Variants in NT5DC1 observed in about 807,000 individuals in gnomAD.
The protein encoded by NT5DC1 is 5'-nucleotidase domain-containing protein 1.
Under a neutral mutation model 59.4 loss-of-function variants are expected in NT5DC1, and 42 were observed. The ratio of observed to expected loss-of-function variants is 0.71; its 90% CI spans 0.55 to 0.92. The LOEUF is 0.92. NT5DC1 is among the 40% of genes least tolerant of loss of function. The probability of loss-of-function intolerance (pLI) is 0.00; values close to 1 mark genes in which losing one functional copy is unlikely to be tolerated. For synonymous variants in NT5DC1, 172 were observed against 188.1 expected (o/e 0.91, Z 0.70); for missense variants, 501 against 537.1 (o/e 0.93, Z 0.66).
In NT5DC1 at chr6:116,110,972, G is replaced by A. The variant is rs1489521306; in HGVS notation, c.364+16G>A. The stretch of plus-strand genomic sequence containing the variant: ...TGCCGCTCAGGTATGACTCAAATGA[G>A]GCAGCTCCACCATCCGCTCCCTGTT... On this transcript the variant is annotated intron_variant, in intron 4 of 11. Transcript: ENST00000319550. The A allele has an allele frequency of 6.6e-7, 1 of 1,525,190 alleles. No homozygotes were observed. Among genetic ancestry groups the A allele is most frequent in the South Asian group, 1.1e-5 (1 of 89,290 alleles). The allele number at this position is 1,525,190 out of a possible 1,614,324, so 94.5% of individuals were successfully genotyped here. A position where few individuals can be genotyped will look rare whatever the true frequency, so the allele number is the denominator to read the frequency against.
At chr6:116,152,601 A>G (rs756828044) in intron 6 of NT5DC1, among the ~76,000 whole-genome samples, 7 of 152,096 alleles carry the variant, frequency 4.6e-5, no homozygotes, top group Non-Finnish European at 7.4e-5. Context: ...TTTCTTTACC[A>G]GGTCTTTATT....
intron 6 of NT5DC1, among the ~76,000 whole-genome samples, chr6:116,136,484 G>A (rs1418385640): frequency 6.6e-6 from 1 of 151,822 alleles, no homozygotes; most frequent in East Asian, 1.9e-4. Context: ...TTTAAAAGAA[G>A]AAAATGAAGC....
chr6:116,118,762 T>C lies in NT5DC1; in HGVS notation c.529+817T>C, dbSNP rs1252087450. The stretch of plus-strand genomic sequence containing the variant: ...AAATTACAACTTTGGGGTGATTTTG[T>C]CATTTTTCTATCCCTAGTCATCAGC... On this transcript the variant is annotated intron_variant, in intron 6 of 11. Coordinates refer to ENST00000319550, the MANE Select transcript of NT5DC1 (RefSeq NM_152729.3). 2.0e-5 allele frequency among the ~76,000 whole-genome samples: 3 copies of C among 152,358 alleles called. No individual in the cohort carries two copies. The East Asian group carries it at 5.8e-4, about 29-fold the overall frequency.
intron 6 of NT5DC1, among the ~76,000 whole-genome samples, chr6:116,136,651 C>T (rs1001866282): frequency 7.9e-5 from 12 of 152,130 alleles, no homozygotes; most frequent in African/African-American, 2.9e-4. Context: ...ATGTGACTTA[C>T]TGTTCTGATA....
chr6:116,203,934 G>T (rs1781395196), intron 6 of NT5DC1, among the ~76,000 whole-genome samples: 1 of 151,826 alleles, frequency 6.6e-6, no homozygotes, highest in Admixed American at 6.6e-5. Flanking sequence ...ACCTTTTAGA[G>T]AACACCAGTA....
chr6:116,208,092 C>A (rs1781495463), intron 6 of NT5DC1, among the ~76,000 whole-genome samples: 1 of 151,944 alleles, frequency 6.6e-6, no homozygotes, highest in Non-Finnish European at 1.5e-5. Context: ...TTCCTTAAGA[C>A]ATTGATAGTT....
intron 6 of NT5DC1, among the ~76,000 whole-genome samples, chr6:116,149,592 C>T (rs773354949): frequency 2.0e-5 from 3 of 152,198 alleles, no homozygotes; most frequent in Admixed American, 1.3e-4. Flanking sequence ...GGATGACTGT[C>T]GAAAGGGTAT....
At chr6:116,180,911 A>T (rs1000570041) in intron 6 of NT5DC1, among the ~76,000 whole-genome samples, 2 of 152,050 alleles carry the variant, frequency 1.3e-5, no homozygotes, top group African/African-American at 2.4e-5. Context: ...TATTTGGGAG[A>T]TGCTGGTGAC....
chr6:116,195,691 AT>A (rs907153993), intron 6 of NT5DC1, among the ~76,000 whole-genome samples: 2 of 152,054 alleles, frequency 1.3e-5, no homozygotes, highest in African/African-American at 4.8e-5. Flanking sequence ...TCTTTAGAAT[AT>A]GGTAGACTCT....
intron 11 of NT5DC1, among the ~76,000 whole-genome samples, chr6:116,242,193 A>G (rs1459681685): frequency 6.6e-6 from 1 of 151,256 alleles, no homozygotes; most frequent in Non-Finnish European, 1.5e-5. Context: ...ACACGGTGAA[A>G]CCCCATCTCT....
intron 6 of NT5DC1, chr6:116,120,900 G>A (rs1779098909): frequency 1.2e-6 from 2 of 1,613,818 alleles, no homozygotes; most frequent in East Asian, 4.5e-5. Flanking sequence ...TTTGGACCTG[G>A]TAACCCTGGG....
At chr6:116,223,221 C>A in intron 8 of NT5DC1, 90 bp downstream of exon 8, 1 of 664,238 alleles carries the variant, frequency 1.5e-6, no homozygotes, top group Admixed American at 2.7e-5. Flanking sequence ...GCCATGTCTT[C>A]TTTCCTCTCA....
chr6:116,146,157 G>A (rs1779894156), intron 6 of NT5DC1, among the ~76,000 whole-genome samples: 1 of 152,244 alleles, frequency 6.6e-6, no homozygotes, highest in African/African-American at 2.4e-5. Flanking sequence ...TGTGGTGGGT[G>A]TGGTGGGCAG....
chr6:116,182,204 GAGT>G (rs1282268389), intron 6 of NT5DC1, among the ~76,000 whole-genome samples: 1 of 132,084 alleles, frequency 7.6e-6, no homozygotes, highest in Non-Finnish European at 1.6e-5. Context: ...TTTTATGGCT[GAGT>G]AGTATTCCAT....
At chr6:116,148,749 GTT>G (rs1779959026) in intron 6 of NT5DC1, among the ~76,000 whole-genome samples, 1 of 152,044 alleles carries the variant, frequency 6.6e-6, no homozygotes, top group Non-Finnish European at 1.5e-5. Context: ...GCAAAATACT[GTT>G]TATTATTCAG....
intron 6 of NT5DC1, among the ~76,000 whole-genome samples, chr6:116,182,769 G>A (rs550192750): frequency 2.0e-5 from 3 of 151,888 alleles, no homozygotes; most frequent in Non-Finnish European, 4.4e-5. Flanking sequence ...TGAGTTCCTT[G>A]TAGAGTCTAG....
rs763135047 is a variant in NT5DC1, at chr6:116,220,719, T to G, written c.530-335T>G. Among the ~76,000 whole-genome samples, 130 of 152,354 alleles carry G rather than the reference T, an allele frequency of 8.5e-4. 1 individual carries two copies. Among genetic ancestry groups the G allele is most frequent in the Non-Finnish European group, 1.5e-3 (104 of 68,030 alleles). ...CATTGAATAATTAAAAGAGTATTTG[T>G]AACAATTGATATTTCAAATGTAAGG... On this transcript the variant is annotated intron_variant, in intron 6 of 11. Coordinates refer to ENST00000319550, the MANE Select transcript of NT5DC1 (RefSeq NM_152729.3).
intron 8 of NT5DC1, among the ~76,000 whole-genome samples, chr6:116,234,269 T>C (rs554404201): frequency 1.4e-4 from 21 of 151,844 alleles, no homozygotes; most frequent in African/African-American, 5.1e-4. Context: ...CCTTCTAACA[T>C]ATTTTTAATT....
intron 8 of NT5DC1, among the ~76,000 whole-genome samples, chr6:116,223,563 G>C (rs561969641): frequency 6.6e-6 from 1 of 152,324 alleles, no homozygotes; most frequent in African/African-American, 2.4e-5. Flanking sequence ...GAGACTGATA[G>C]GGAGAGAGGT....
Sources: gnomAD v4.1 joint callset for allele counts (sites outside exome capture counted in the v4.1 genomes callset) on GRCh38, gnomAD v4.1.1 for gene constraint, MANE v1.5 for transcripts, NCBI Gene and HGNC (gene_info 2026-07-23, HGNC 2026-07-21) for gene names.